Variants in PMEPA1 observed in about 807,000 individuals in gnomAD.
The protein encoded by PMEPA1 is prostate transmembrane protein, androgen induced 1.
PMEPA1 carries 11 observed loss-of-function variants against 23.0 expected under a neutral mutation model. The observed-to-expected ratio is 0.48, with a 90% CI of 0.30 to 0.79. The LOEUF is 0.79. Ranked by LOEUF, PMEPA1 falls within the 30% of genes least tolerant of loss-of-function variation. The pLI is 0.06. For synonymous variants in PMEPA1, 204 were observed against 166.4 expected (o/e 1.23, Z -1.74); for missense variants, 377 against 390.9 (o/e 0.96, Z 0.30).
At chr20:57,692,989 C>T (rs1219345510) in intron 1 of PMEPA1, among the ~76,000 whole-genome samples, 2 of 152,220 alleles carry the variant, frequency 1.3e-5, no homozygotes, top group African/African-American at 4.8e-5. Flanking sequence ...CAGAATTAAC[C>T]TGGCAGAATC....
intron 1 of PMEPA1, among the ~76,000 whole-genome samples, chr20:57,701,394 T>C (rs2072009275): frequency 6.6e-6 from 1 of 152,150 alleles, no homozygotes; most frequent in South Asian, 2.1e-4. Context: ...CCCTAGGAAT[T>C]CTCCTTCTGG....
In PMEPA1 at chr20:57,704,670, G is replaced by A. The variant is rs1216976318; in HGVS notation, c.109+4804C>T. Among the ~76,000 whole-genome samples, 1 of 152,200 alleles carries A rather than the reference G, an allele frequency of 6.6e-6. No homozygotes were observed. Among genetic ancestry groups the A allele is most frequent in the Non-Finnish European group, 1.5e-5 (1 of 68,020 alleles). On this transcript the variant is annotated intron_variant, in intron 1 of 3. Transcript: ENST00000341744. The surrounding 1 kb of genome is among the most constrained non-coding windows in gnomAD (Gnocchi z 4.6). The stretch of plus-strand genomic sequence containing the variant: ...ACACCGATCCTCAGGTTTGGACCCT[G>A]CCACCAGCACCTTCCTCCAAACATT...
At position 57,709,756 on chromosome 20, in the gene PMEPA1, T is replaced by A; in HGVS notation, c.-174A>T. ...GTTCCCGGGGCGCCGCGGGGCTCAGTGCGCGGGACCGCGCTCCGCTGCGCC... is the reference window on the plus strand; with the variant it reads ...GTTCCCGGGGCGCCGCGGGGCTCAGAGCGCGGGACCGCGCTCCGCTGCGCC... On this transcript the variant is annotated 5_prime_UTR_variant, in exon 1 of 4. Transcript: ENST00000341744. 1 of 979,274 alleles carries A rather than the reference T, an allele frequency of 1.0e-6. No individual in the cohort carries two copies. The highest frequency in any genetic ancestry group is 1.2e-6 in the Non-Finnish European group (1 of 827,290). 60.7% of individuals were successfully genotyped at this position (979,274 alleles called of 1,614,324 possible).
intron 1 of PMEPA1, among the ~76,000 whole-genome samples, chr20:57,669,271 G>A (rs1469664291): frequency 6.6e-6 from 1 of 151,940 alleles, no homozygotes; most frequent in Non-Finnish European, 1.5e-5. Flanking sequence ...GGCAATTCTT[G>A]TGCCTCAGCC....
chr20:57,711,086 A>T (rs118085362), upstream of PMEPA1: 2 of 152,210 alleles, frequency 1.3e-5, no homozygotes, highest in African/African-American at 4.8e-5. Flanking sequence ...ACAGTGGTGG[A>T]GCCTGTGTGC....
chr20:57,663,226 G>A (rs1416672557), intron 1 of PMEPA1, among the ~76,000 whole-genome samples: 1 of 152,230 alleles, frequency 6.6e-6, no homozygotes, highest in Non-Finnish European at 1.5e-5. Context: ...TAGACTTGGT[G>A]AGCCAAGGGC....
At chr20:57,706,318 G>C (rs1446805306) in intron 1 of PMEPA1, among the ~76,000 whole-genome samples, 1 of 152,202 alleles carries the variant, frequency 6.6e-6, no homozygotes, top group African/African-American at 2.4e-5. Context: ...AGACGCAGCA[G>C]AACTGAAATG....
At chr20:57,680,224 A>G (rs1247392543) in intron 1 of PMEPA1, among the ~76,000 whole-genome samples, 2 of 152,350 alleles carry the variant, frequency 1.3e-5, no homozygotes, top group African/African-American at 4.8e-5. Flanking sequence ...TAAGTGCATT[A>G]TATCATTCAA....
At chr20:57,670,050 A>G (rs955823914) in intron 1 of PMEPA1, among the ~76,000 whole-genome samples, 4 of 151,486 alleles carry the variant, frequency 2.6e-5, no homozygotes, top group Non-Finnish European at 5.9e-5. Flanking sequence ...GCCTGACCCT[A>G]GGAGCACAGA....
At chr20:57,661,281 C>T (rs1568965207) in intron 1 of PMEPA1, among the ~76,000 whole-genome samples, 1 of 152,342 alleles carries the variant, frequency 6.6e-6, no homozygotes, top group East Asian at 1.9e-4. Flanking sequence ...GAAGCGGCCT[C>T]GGCAGCTGGC....
intron 1 of PMEPA1, among the ~76,000 whole-genome samples, chr20:57,696,665 C>T (rs1014329746): frequency 6.6e-6 from 1 of 152,196 alleles, no homozygotes; most frequent in African/African-American, 2.4e-5. Context: ...GGGTTCATTC[C>T]CTAAATACTG....
upstream of PMEPA1, chr20:57,710,345 G>C (rs1343908227): frequency 9.0e-7 from 1 of 1,112,148 alleles, no homozygotes; most frequent in Non-Finnish European, 1.2e-6. Flanking sequence ...CCCCGTCCCT[G>C]GGGTCCTTGA....
chr20:57,674,254 C>G (rs1057032506), intron 1 of PMEPA1, among the ~76,000 whole-genome samples: 1 of 152,200 alleles, frequency 6.6e-6, no homozygotes, highest in Non-Finnish European at 1.5e-5. Context: ...CAGCATAGAG[C>G]TCATTCTCTC....
chr20:57,677,651 C>A (rs2071656316), intron 1 of PMEPA1, among the ~76,000 whole-genome samples: 1 of 152,204 alleles, frequency 6.6e-6, no homozygotes, highest in Admixed American at 6.5e-5. Context: ...CAACTCCCAT[C>A]CGACCCAGCA....
intron 1 of PMEPA1, among the ~76,000 whole-genome samples, chr20:57,693,010 G>T (rs2071902426): frequency 6.6e-6 from 1 of 152,216 alleles, no homozygotes; most frequent in Non-Finnish European, 1.5e-5. Flanking sequence ...AGGGCATAAG[G>T]AAACGTGGCA....
intron 1 of PMEPA1, among the ~76,000 whole-genome samples, chr20:57,691,609 C>T (rs747171604): frequency 3.3e-5 from 5 of 152,162 alleles, no homozygotes; most frequent in Non-Finnish European, 7.4e-5. Flanking sequence ...AGAACGTTTT[C>T]CCCCGAAGAA....
rs2071530625 is a variant in PMEPA1 at position 57,668,956 on chromosome 20, T to C, written c.110-9259A>G. ...CCTCCAGGACCCCCATCCCTGTGCC[T>C]GCTTTACTGATCTCTGCAGCCCTGA... On this transcript the variant is annotated intron_variant, in intron 1 of 3. Transcript: ENST00000341744. Among the ~76,000 whole-genome samples, 3 of 152,122 alleles carry C rather than the reference T, an allele frequency of 2.0e-5. No homozygotes were observed. The South Asian group carries it at 6.2e-4, about 31-fold the overall frequency.
Position 57,651,858 on chromosome 20 carries a change from T to C in PMEPA1, c.*195A>G. ...TGGTTTTTTTTTTTCTTTTTTCTTT[T>C]TTTTTTTGCAAGCTCTCTTAGCTTG... is the stretch of plus-strand genomic sequence containing the variant. On this transcript the variant is annotated 3_prime_UTR_variant, in exon 4 of 4. Transcript: ENST00000341744. 1 of 402,574 alleles carries C rather than the reference T, an allele frequency of 2.5e-6. No homozygotes were observed. The highest frequency in any genetic ancestry group is 3.7e-5 in the East Asian group (1 of 27,272). The allele number at this position is 402,574 out of a possible 1,614,324, so 24.9% of individuals were successfully genotyped here.
intron 1 of PMEPA1, among the ~76,000 whole-genome samples, chr20:57,684,024 G>C (rs59551732): frequency 0.06 from 9,092 of 152,124 alleles, 862 homozygotes; most frequent in African/African-American, 0.2. Flanking sequence ...CCCCACCCCC[G>C]GCTCCGCAAC....
Sources: allele counts gnomAD v4.1 joint callset (sites outside exome capture counted in the v4.1 genomes callset), GRCh38; gene constraint gnomAD v4.1.1; non-coding constraint Gnocchi (gnomAD v3.1); transcripts MANE v1.5; gene names NCBI Gene and HGNC (gene_info 2026-07-23, HGNC 2026-07-21).